INTS15: variants seen among roughly 807,000 people sequenced by gnomAD.
INTS15 encodes the protein integrator complex subunit 15.
the INTS15 span, among the ~76,000 whole-genome samples, chr7:6,601,299 A>G: frequency 6.8e-6 from 1 of 147,150 alleles, no homozygotes; most frequent in African/African-American, 2.5e-5. Flanking sequence ...ATTTTTATTC[A>G]TTTATTTTTT....
At chr7:6,600,153 A>T in the INTS15 span, 1 of 1,614,218 alleles carries the variant, frequency 6.2e-7, no homozygotes, top group Admixed American at 1.7e-5. Context: ...ATGACGCTGC[A>T]GCTGCACCTG....
chr7:6,607,718 G>A, the INTS15 span: 44 of 1,518,130 alleles, frequency 2.9e-5, no homozygotes, highest in Middle Eastern at 4.6e-4. The surrounding 1 kb of genome is among the most constrained non-coding windows in gnomAD (Gnocchi z 6.0). Flanking sequence ...GCGCCCGGGA[G>A]TGCTACGGCC....
chr7:6,602,727 G>C, the INTS15 span: 4 of 471,186 alleles, frequency 8.5e-6, no homozygotes, highest in Admixed American at 9.4e-5. Flanking sequence ...TTGCCACGTG[G>C]AGACCTCCAC....
At chr7:6,607,117 C>A in the INTS15 span, among the ~76,000 whole-genome samples, 1 of 151,412 alleles carries the variant, frequency 6.6e-6, no homozygotes, top group Admixed American at 6.6e-5. The surrounding 1 kb of genome is among the most constrained non-coding windows in gnomAD (Gnocchi z 6.0). Context: ...CCAGGGAGTT[C>A]TGGGGGGTTG....
At chr7:6,599,090 C>G in the INTS15 span, among the ~76,000 whole-genome samples, 1 of 152,122 alleles carries the variant, frequency 6.6e-6, no homozygotes, top group Admixed American at 6.6e-5. Flanking sequence ...CATATACTTT[C>G]GACGAGTCCT....
At chr7:6,608,084 G>A in the INTS15 span, 1 of 887,816 alleles carries the variant, frequency 1.1e-6, no homozygotes, top group Non-Finnish European at 1.6e-6. Context: ...CCACCCCGCC[G>A]CCCACCCCGC....
chr7:6,602,091 T>G, the INTS15 span: 7 of 1,612,600 alleles, frequency 4.3e-6, no homozygotes, highest in South Asian at 5.5e-5. Context: ...TTGTATCTCC[T>G]TAATTGCAGA....
the INTS15 span, chr7:6,601,949 G>A: frequency 1.0e-5 from 7 of 688,836 alleles, no homozygotes; most frequent in South Asian, 4.8e-5. Context: ...GAGCCACTGC[G>A]CCCGGCTAGA....
At chr7:6,602,500 G>A in the INTS15 span, among the ~76,000 whole-genome samples, 1 of 152,208 alleles carries the variant, frequency 6.6e-6, no homozygotes, top group Non-Finnish European at 1.5e-5. Flanking sequence ...CTGTACGTTT[G>A]TTAGGCTAGC....
the INTS15 span, among the ~76,000 whole-genome samples, chr7:6,592,160 G>T: frequency 1.3e-5 from 2 of 151,838 alleles, no homozygotes; most frequent in African/African-American, 4.8e-5. Flanking sequence ...GACAGAGCAA[G>T]ACTCCGTCTC....
the INTS15 span, among the ~76,000 whole-genome samples, chr7:6,596,097 G>T: frequency 1.3e-5 from 2 of 151,644 alleles, no homozygotes; most frequent in Middle Eastern, 6.8e-3. Flanking sequence ...TGTCGCCCAG[G>T]CTAGAATGCA....
At chr7:6,604,298 A>G in the INTS15 span, among the ~76,000 whole-genome samples, 1 of 152,184 alleles carries the variant, frequency 6.6e-6, no homozygotes. Flanking sequence ...CTAGCAAAGA[A>G]CTGGAAACAA....
At chr7:6,590,500 C>T in the INTS15 span, 15 of 1,534,564 alleles carry the variant, frequency 9.8e-6, no homozygotes, top group Middle Eastern at 1.9e-4. Context: ...GGTCGGGTTC[C>T]CGGGCCCCGC....
the INTS15 span, among the ~76,000 whole-genome samples, chr7:6,605,958 A>G: frequency 6.6e-6 from 1 of 151,562 alleles, no homozygotes; most frequent in South Asian, 2.1e-4. Context: ...CTCGGCATCC[A>G]AAAGTGCTGG....
At chr7:6,594,426 T>A in the INTS15 span, 1 of 1,613,938 alleles carries the variant, frequency 6.2e-7, no homozygotes, top group Non-Finnish European at 8.5e-7. Context: ...CTGTGTGGCT[T>A]CTTTCCAGCG....
the INTS15 span, among the ~76,000 whole-genome samples, chr7:6,601,603 G>A: frequency 1.3e-5 from 2 of 148,324 alleles, no homozygotes; most frequent in Non-Finnish European, 3.0e-5. Flanking sequence ...GCCAGGGGAC[G>A]GGTTTTTTAA....
chr7:6,603,869 G>A, the INTS15 span, among the ~76,000 whole-genome samples: 7 of 151,930 alleles, frequency 4.6e-5, no homozygotes, highest in African/African-American at 1.2e-4. Flanking sequence ...ATATGGTGGC[G>A]TGCATCTGTA....
At chr7:6,590,090 G>C in the INTS15 span, 2 of 361,292 alleles carry the variant, frequency 5.5e-6, no homozygotes, top group Admixed American at 5.0e-5. Context: ...TCGGACCTTC[G>C]GGCGCCTGCT....
chr7:6,601,104 C>T, the INTS15 span, among the ~76,000 whole-genome samples: 1 of 151,938 alleles, frequency 6.6e-6, no homozygotes, highest in South Asian at 2.1e-4. Flanking sequence ...GTAGCTGGGA[C>T]TACAAGTGTG....
Sources: allele counts gnomAD v4.1 joint callset (sites outside exome capture counted in the v4.1 genomes callset), GRCh38; gene constraint gnomAD v4.1.1; non-coding constraint Gnocchi (gnomAD v3.1); transcripts MANE v1.5; gene names NCBI Gene and HGNC (gene_info 2026-07-23, HGNC 2026-07-21).